Variants in BCO1 observed in about 807,000 individuals in gnomAD.
BCO1 encodes the protein beta-carotene oxygenase 1, also known as beta,beta-carotene 15,15'-dioxygenase.
A neutral mutation model predicts 56.3 loss-of-function variants in BCO1; 54 were observed. The ratio of observed to expected loss-of-function variants is 0.96; its 90% CI spans 0.77 to 1.20. The LOEUF is 1.20. Ranked by LOEUF, BCO1 falls within the 50% of genes most tolerant of loss-of-function variation. BCO1 has a pLI of 0.00. For synonymous variants in BCO1, 318 were observed against 266.1 expected, an observed-to-expected ratio of 1.20 and a Z score of -1.90; for missense variants, 801 against 690.9, an observed-to-expected ratio of 1.16 and a Z score of -1.79.
chr16:81,238,964 A>C lies in BCO1; in HGVS notation c.56A>C (p.Lys19Thr). ...GAACAGCTGGAGCCTGTGAGGGCCAAAGTGACAGGTGAGCATTCTGATAAA... is the reference window on the plus strand; with the variant it reads ...GAACAGCTGGAGCCTGTGAGGGCCACAGTGACAGGTGAGCATTCTGATAAA... ...RKEQLEPVRA[K>T]VTGKIPAWLQ... The change falls in exon 1 of 11, where the codon AAA becomes ACA. Residue 19 changes from lysine to threonine, a missense_variant. Coordinates refer to ENST00000258168, the MANE Select transcript of BCO1 (RefSeq NM_017429.3). 8.7e-6 allele frequency: 14 copies of C among 1,613,906 alleles called. No individual in the cohort carries two copies. The highest frequency in any genetic ancestry group is 1.2e-5 in the Non-Finnish European group (14 of 1,179,852).
chr16:81,280,215 A>G (rs1052783327), intron 7 of BCO1, among the ~76,000 whole-genome samples: 23 of 136,700 alleles, frequency 1.7e-4, no homozygotes, highest in African/African-American at 6.1e-4. Context: ...GTAAGCCAAG[A>G]TCACACCACT....
At chr16:81,289,115 A>G (rs1183160384) in intron 10 of BCO1, among the ~76,000 whole-genome samples, 2 of 152,164 alleles carry the variant, frequency 1.3e-5, no homozygotes, top group Non-Finnish European at 1.5e-5. Flanking sequence ...CACCCCTTAC[A>G]TTCAGAGGTA....
chr16:81,281,698 A>G (rs941550701), intron 8 of BCO1, among the ~76,000 whole-genome samples: 1 of 152,210 alleles, frequency 6.6e-6, no homozygotes, highest in Non-Finnish European at 1.5e-5. Flanking sequence ...ACACCCGTGG[A>G]GCAGGGCTCC....
chr16:81,267,863 G>T (rs759421910), intron 5 of BCO1, 45 bp from the exon 6 acceptor site: 9 of 1,575,850 alleles, frequency 5.7e-6, no homozygotes, highest in Non-Finnish European at 7.8e-6. Flanking sequence ...TGGGGGGGCA[G>T]CCAGATCCTG....
chr16:81,261,349 G>A (rs1906470131), intron 3 of BCO1, among the ~76,000 whole-genome samples: 1 of 152,138 alleles, frequency 6.6e-6, no homozygotes, highest in African/African-American at 2.4e-5. Context: ...CTGATCAAAT[G>A]AGCTATGTGT....
intron 10 of BCO1, among the ~76,000 whole-genome samples, chr16:81,288,075 C>T (rs1250214961): frequency 6.6e-6 from 1 of 152,148 alleles, no homozygotes; most frequent in Non-Finnish European, 1.5e-5. Flanking sequence ...TACAAAGATA[C>T]TTGTATCAAG....
intron 6 of BCO1, 120 bp downstream of exon 6, chr16:81,268,251 G>T: frequency 1.1e-6 from 1 of 921,366 alleles, no homozygotes; most frequent in East Asian, 2.6e-5. Flanking sequence ...GGCTACCAGA[G>T]GCATCTACCC....
In BCO1 at chr16:81,259,164, C is replaced by T. The variant is rs1906324921; in HGVS notation, c.194-512C>T. On this transcript the variant is annotated intron_variant, in intron 2 of 10. Transcript: ENST00000258168. ...CGTAACACATACTTATCCAGCCATA[C>T]TGTTGTGAGTCAGGAGTGAGAAAAT... Among the ~76,000 whole-genome samples the T allele has an allele frequency of 2.0e-5, 3 of 152,272 alleles. No individual in the cohort carries two copies. The South Asian group carries it at 6.2e-4, about 32-fold the overall frequency.
intron 7 of BCO1, among the ~76,000 whole-genome samples, chr16:81,274,011 G>A (rs77746469): frequency 3.3e-5 from 5 of 152,144 alleles, no homozygotes; most frequent in Admixed American, 1.3e-4. Flanking sequence ...AGCCCTGGGC[G>A]CCTGCACCCC....
At chr16:81,267,135 C>G (rs1398754525) in intron 5 of BCO1, among the ~76,000 whole-genome samples, 1 of 152,144 alleles carries the variant, frequency 6.6e-6, no homozygotes, top group African/African-American at 2.4e-5. Context: ...TCATTCTGTT[C>G]TCTACCTTCA....
At position 81,268,070 on chromosome 16, in the gene BCO1, C is replaced by T. The variant is rs775699758; in HGVS notation, c.782C>T (p.Ala261Val). 5.0e-6 allele frequency: 8 copies of T among 1,612,916 alleles called. No individual in the cohort carries two copies. In the South Asian group the frequency reaches 7.7e-5, roughly 15 times the overall value. ...TTCAGGTTGGATATTCTCAAGATGG[C>T]AACCGCATACATCCGGAGAATGAGC... ...QPFRLDILKM[A>V]TAYIRRMSWA... Residue 261 changes from alanine to valine, a missense_variant, in exon 6 of 11, where the codon GCA (alanine) becomes GTA (valine). By Grantham distance (64) the Ala-to-Val change is moderately conservative. Transcript: ENST00000258168.
At chr16:81,243,707 G>A (rs925556508) in intron 1 of BCO1, among the ~76,000 whole-genome samples, 4 of 152,140 alleles carry the variant, frequency 2.6e-5, no homozygotes, top group African/African-American at 7.2e-5. Flanking sequence ...GACCTCAAGC[G>A]ATCTGCCTGC....
chr16:81,252,045 G>C (rs1905839370), intron 2 of BCO1, among the ~76,000 whole-genome samples: 1 of 151,936 alleles, frequency 6.6e-6, no homozygotes, highest in Non-Finnish European at 1.5e-5. Flanking sequence ...GGAATGCATG[G>C]AGGCTCCTTC....
intron 5 of BCO1, 67 bp downstream of exon 5, chr16:81,264,854 T>A: frequency 6.4e-7 from 1 of 1,573,476 alleles, no homozygotes; most frequent in Non-Finnish European, 8.7e-7. Flanking sequence ...AAGAGTTCTG[T>A]TTTTCGTTGA....
At chr16:81,271,115 T>TA (rs199909326) in intron 7 of BCO1, among the ~76,000 whole-genome samples, 29,532 of 137,796 alleles carry the variant, frequency 0.21, 3,679 homozygotes, top group Non-Finnish European at 0.3. Context: ...TTTATTTATT[T>TA]TTTTTTTTAT....
chr16:81,240,512 C>G (rs1426323895), intron 1 of BCO1, among the ~76,000 whole-genome samples: 1 of 152,066 alleles, frequency 6.6e-6, no homozygotes. Context: ...TTGAGACCAG[C>G]CTGGCTAACA....
intron 2 of BCO1, among the ~76,000 whole-genome samples, chr16:81,250,282 A>C (rs1369314221): frequency 6.6e-6 from 1 of 152,100 alleles, no homozygotes; most frequent in African/African-American, 2.4e-5. Flanking sequence ...CCATTGTGCA[A>C]TTCAGCCCTG....
chr16:81,242,822 T>A (rs191259852), intron 1 of BCO1, among the ~76,000 whole-genome samples: 2 of 152,242 alleles, frequency 1.3e-5, no homozygotes, highest in East Asian at 3.9e-4. Flanking sequence ...GAGTTCTGCC[T>A]CCTCTCAGAT....
At chr16:81,254,601 A>G (rs1023542958) in intron 2 of BCO1, among the ~76,000 whole-genome samples, 1 of 151,994 alleles carries the variant, frequency 6.6e-6, no homozygotes, top group Non-Finnish European at 1.5e-5. Flanking sequence ...TATTGTCATT[A>G]TGTCCATCCA....
Sources: allele counts gnomAD v4.1 joint callset (sites outside exome capture counted in the v4.1 genomes callset), GRCh38; gene constraint gnomAD v4.1.1; transcripts MANE v1.5; gene names NCBI Gene and HGNC (gene_info 2026-07-23, HGNC 2026-07-21).